Variants in OSMR observed in about 807,000 individuals in gnomAD.
The protein encoded by OSMR is oncostatin-M-specific receptor subunit beta.
OSMR carries 81 observed loss-of-function variants against 99.9 expected under a neutral mutation model. The observed-to-expected ratio is 0.81, with a 90% confidence interval of 0.68 to 0.97. OSMR has a LOEUF of 0.97. Among genes scored for constraint, OSMR ranks in the 50% least tolerant of loss-of-function variants. The pLI, the probability that OSMR is intolerant of heterozygous loss-of-function variation, is 0.00. For synonymous variants in OSMR, 406 were observed against 410.4 expected, an observed-to-expected ratio of 0.99 and a Z score of 0.13; for missense variants, 1,099 against 1,153.4, an observed-to-expected ratio of 0.95 and a Z score of 0.68.
At chr5:38,852,717 C>CTTTTTTTTT (rs1740491359) in intron 1 of OSMR, among the ~76,000 whole-genome samples, 1 of 57,430 alleles carries the variant, frequency 1.7e-5, no homozygotes, top group African/African-American at 5.9e-5. Context: ...CTATTGTTTT[C>CTTTTTTTTT]ATTTTTTTTT....
intron 2 of OSMR, among the ~76,000 whole-genome samples, chr5:38,870,732 G>A (rs1742323181): frequency 6.6e-6 from 1 of 152,228 alleles, no homozygotes; most frequent in South Asian, 2.1e-4. Flanking sequence ...GGGGGCCTAT[G>A]CAGTGGCAGA....
At chr5:38,899,323 G>A (rs1744740625) in intron 7 of OSMR, among the ~76,000 whole-genome samples, 1 of 152,058 alleles carries the variant, frequency 6.6e-6, no homozygotes, top group Non-Finnish European at 1.5e-5. Context: ...TCACCTTTTA[G>A]GGCAGTGGGC....
At chr5:38,913,559 A>T (rs1745726832) in intron 9 of OSMR, among the ~76,000 whole-genome samples, 1 of 152,060 alleles carries the variant, frequency 6.6e-6, no homozygotes, top group Admixed American at 6.5e-5. Flanking sequence ...CAAAAAAAAA[A>T]AAAAAAATGG....
intron 11 of OSMR, 124 bp downstream of exon 11, chr5:38,919,186 A>T: frequency 6.5e-7 from 1 of 1,544,690 alleles, no homozygotes; most frequent in East Asian, 2.4e-5. Context: ...GTCACTAAAC[A>T]GTCATTTTCT....
At chr5:38,870,330 C>CT (rs374861159) in intron 2 of OSMR, among the ~76,000 whole-genome samples, 60,697 of 114,848 alleles carry the variant, frequency 0.53, 15,738 homozygotes, top group South Asian at 0.68. Context: ...GAATGATTTT[C>CT]TTTTTTTTTT....
chr5:38,914,877 G>A (rs1745807006), intron 9 of OSMR, among the ~76,000 whole-genome samples: 2 of 152,094 alleles, frequency 1.3e-5, no homozygotes, highest in African/African-American at 4.8e-5. Context: ...ACTAACTGTT[G>A]GGTTCTATGC....
intron 5 of OSMR, 171 bp from the exon 6 acceptor site, chr5:38,885,178 G>C: frequency 1.0e-6 from 1 of 985,300 alleles, no homozygotes; most frequent in Non-Finnish European, 1.2e-6. Flanking sequence ...CCAAGATGAG[G>C]TGACCCCTGA....
chr5:38,881,666 G>A lies in OSMR; in HGVS notation c.320G>A (p.Cys107Tyr). The A allele has an allele frequency of 1.9e-6, 3 of 1,614,210 alleles. No individual in the cohort carries two copies. The highest frequency in any genetic ancestry group is 2.5e-6 in the Non-Finnish European group (3 of 1,180,022). The change falls in exon 4 of 18, where the codon TGT becomes TAT. Residue 107 changes from cysteine to tyrosine, a missense_variant. Coordinates refer to ENST00000274276, the MANE Select transcript of OSMR (RefSeq NM_003999.3). ...WSWESELPLECATHFVRIKSL... is the reference protein window; with the variant it reads ...WSWESELPLEYATHFVRIKSL... ...TGGGAATCTGAGCTCCCTTTGGAAT[G>A]TGCCACACACTTTGTAAGAATAAAG...
At chr5:38,941,128 A>T (rs1244147224) in intron 1 of OSMR, 1 of 232,850 alleles carries the variant, frequency 4.3e-6, no homozygotes, top group Non-Finnish European at 8.5e-6. Flanking sequence ...TACAAATTAA[A>T]CAAACAAAAA....
At position 38,934,451 on chromosome 5, in the gene OSMR, C is replaced by T. The variant is rs1297235674; in HGVS notation, c.*1007C>T. 6.6e-6 allele frequency: 1 copy of T among 152,068 alleles called. No homozygotes were observed. Among genetic ancestry groups the T allele is most frequent in the Non-Finnish European group, 1.5e-5 (1 of 68,028 alleles). The allele number at this position is 152,068 out of a possible 1,614,324, so 9.4% of individuals were successfully genotyped here. On this transcript the variant is annotated 3_prime_UTR_variant, in exon 18 of 18. Coordinates refer to ENST00000274276, the MANE Select transcript of OSMR (RefSeq NM_003999.3). ...AAAAGTTCTATGAAGTGGGAAATTCCGTGTTGGCTCTGGAGCAGCTTTGTC... is the reference window on the plus strand; with the variant it reads ...AAAAGTTCTATGAAGTGGGAAATTCTGTGTTGGCTCTGGAGCAGCTTTGTC...
chr5:38,923,416 C>A (rs1746326436), intron 13 of OSMR, among the ~76,000 whole-genome samples, 162 bp downstream of exon 13: 1 of 152,136 alleles, frequency 6.6e-6, no homozygotes, highest in South Asian at 2.1e-4. Context: ...ATCATACAAA[C>A]AAAACATTTT....
At chr5:38,851,121 G>A (rs564682471) in intron 1 of OSMR, among the ~76,000 whole-genome samples, 2 of 152,310 alleles carry the variant, frequency 1.3e-5, no homozygotes, top group East Asian at 3.9e-4. Context: ...GTTTAATCAT[G>A]TTGGGATATA....
intron 9 of OSMR, among the ~76,000 whole-genome samples, chr5:38,916,123 C>T (rs1204363561): frequency 6.6e-6 from 1 of 152,132 alleles, no homozygotes; most frequent in Non-Finnish European, 1.5e-5. Flanking sequence ...ATAAATCCAA[C>T]AAAACAATTT....
intron 2 of OSMR, chr5:38,944,626 AACTC>A (rs1278676881): frequency 4.9e-6 from 7 of 1,415,396 alleles, no homozygotes; most frequent in Non-Finnish European, 6.8e-6. Flanking sequence ...AAATGATTAA[AACTC>A]ATGAAATTTA....
intron 1 of OSMR, among the ~76,000 whole-genome samples, chr5:38,855,114 C>G (rs1172549947): frequency 6.6e-6 from 1 of 152,200 alleles, no homozygotes; most frequent in East Asian, 1.9e-4. Context: ...TGCTCACCCC[C>G]ACCACACAGC....
intron 2 of OSMR, among the ~76,000 whole-genome samples, chr5:38,869,893 C>G (rs1056180445): frequency 5.3e-5 from 8 of 152,104 alleles, no homozygotes; most frequent in Non-Finnish European, 1.2e-4. Context: ...TTGCTGTACT[C>G]CCCTTTTAAA....
At chr5:38,936,125 A>AAT (rs2112724698), downstream of OSMR, among the ~76,000 whole-genome samples, 1 of 152,328 alleles carries the variant, frequency 6.6e-6, no homozygotes, top group African/African-American at 2.4e-5. Flanking sequence ...ATTTCAAATA[A>AAT]ATATATACAC....
intron 1 of OSMR, among the ~76,000 whole-genome samples, chr5:38,850,264 A>G (rs1379935247): frequency 6.6e-6 from 1 of 152,232 alleles, no homozygotes; most frequent in African/African-American, 2.4e-5. Context: ...AGTCTTGTAC[A>G]ACTATTTAAA....
chr5:38,862,545 G>C (rs1200741777), intron 1 of OSMR, among the ~76,000 whole-genome samples: 1 of 148,854 alleles, frequency 6.7e-6, no homozygotes, highest in Non-Finnish European at 1.5e-5. Context: ...CGGGCAGAGG[G>C]TCTCCTCACT....
Sources: allele counts gnomAD v4.1 joint callset (sites outside exome capture counted in the v4.1 genomes callset), GRCh38; gene constraint gnomAD v4.1.1; transcripts MANE v1.5; gene names NCBI Gene and HGNC (gene_info 2026-07-23, HGNC 2026-07-21).